Variants in IMMP2L observed in about 807,000 individuals in gnomAD.
IMMP2L encodes inner mitochondrial membrane peptidase subunit 2.
In IMMP2L, 18 loss-of-function variants were observed where a neutral mutation model predicts 19.3. That is an observed-to-expected ratio of 0.93 (90% CI 0.64 to 1.38). The LOEUF (loss-of-function observed/expected upper bound fraction) is 1.38. IMMP2L is among the 40% of genes most tolerant of loss of function. The pLI is 0.00. For missense variants in IMMP2L, 233 were observed against 218.2 expected (o/e 1.07, Z -0.43); for synonymous variants, 76 against 73.0 (o/e 1.04, Z -0.21).
intron 4 of IMMP2L, among the ~76,000 whole-genome samples, chr7:110,940,800 T>C (rs936803499): frequency 1.3e-5 from 2 of 151,992 alleles, no homozygotes; most frequent in African/African-American, 2.4e-5. Flanking sequence ...TGAGGTGTCA[T>C]GGGAAAGAAA....
chr7:111,462,440 T>C (rs370739051), intron 3 of IMMP2L, among the ~76,000 whole-genome samples: 1 of 152,218 alleles, frequency 6.6e-6, no homozygotes, highest in South Asian at 2.1e-4. Flanking sequence ...ACACAGTTAA[T>C]TACATCCAGA....
At chr7:111,548,368 T>C (rs1849133973) in intron 1 of IMMP2L, among the ~76,000 whole-genome samples, 1 of 152,162 alleles carries the variant, frequency 6.6e-6, no homozygotes, top group East Asian at 1.9e-4. Context: ...TATTTCTTAT[T>C]TGCTGGTGAC....
intron 3 of IMMP2L, among the ~76,000 whole-genome samples, chr7:111,365,228 A>G (rs1829660375): frequency 6.6e-6 from 1 of 152,102 alleles, no homozygotes; most frequent in Non-Finnish European, 1.5e-5. Context: ...TACTTCACGA[A>G]AGATGTAGGA....
At chr7:111,467,001 T>C (rs528414645) in intron 3 of IMMP2L, among the ~76,000 whole-genome samples, 18 of 152,274 alleles carry the variant, frequency 1.2e-4, no homozygotes, top group African/African-American at 4.3e-4. Context: ...TCCCCATGGA[T>C]ATGAAGGGAC....
At chr7:111,209,435 C>T (rs1383110201) in intron 3 of IMMP2L, among the ~76,000 whole-genome samples, 3 of 148,832 alleles carry the variant, frequency 2.0e-5, no homozygotes, top group East Asian at 2.0e-4. Flanking sequence ...TCACTAATTA[C>T]GGATTAAACT....
At chr7:111,133,789 C>T (rs1802069897) in intron 3 of IMMP2L, among the ~76,000 whole-genome samples, 1 of 151,962 alleles carries the variant, frequency 6.6e-6, no homozygotes, top group Non-Finnish European at 1.5e-5. Context: ...ACACTCTATA[C>T]TCCACCCTCT....
At chr7:111,113,663 C>T (rs1586358794) in intron 3 of IMMP2L, among the ~76,000 whole-genome samples, 1 of 151,588 alleles carries the variant, frequency 6.6e-6, no homozygotes, top group East Asian at 1.9e-4. Flanking sequence ...GATAATTACC[C>T]CAAATGTTTT....
At chr7:111,144,846 A>C (rs767170191) in intron 3 of IMMP2L, among the ~76,000 whole-genome samples, 8 of 152,174 alleles carry the variant, frequency 5.3e-5, no homozygotes, top group Non-Finnish European at 1.2e-4. Context: ...CTTGCAAAGG[A>C]GAAAGACATT....
intron 5 of IMMP2L, among the ~76,000 whole-genome samples, chr7:110,666,552 G>T (rs1486311460): frequency 6.6e-6 from 1 of 152,082 alleles, no homozygotes; most frequent in Non-Finnish European, 1.5e-5. Flanking sequence ...GGGATTACAG[G>T]TGTGAGCCAC....
intron 3 of IMMP2L, among the ~76,000 whole-genome samples, chr7:111,279,712 T>C (rs1934842464): frequency 6.6e-6 from 1 of 152,152 alleles, no homozygotes; most frequent in Non-Finnish European, 1.5e-5. Flanking sequence ...TACTATATTA[T>C]AACCTCTTTT....
chr7:111,551,466 T>A (rs1258091933), intron 1 of IMMP2L, among the ~76,000 whole-genome samples: 1 of 149,456 alleles, frequency 6.7e-6, no homozygotes, highest in African/African-American at 2.5e-5. Flanking sequence ...ACAAATAGTA[T>A]GTTAGGTATG....
intron 3 of IMMP2L, among the ~76,000 whole-genome samples, chr7:111,186,875 C>T (rs1053497686): frequency 1.3e-5 from 2 of 151,974 alleles, no homozygotes; most frequent in African/African-American, 4.8e-5. Flanking sequence ...CAGGAAGAGG[C>T]CACATTTACT....
At chr7:111,469,159 C>A (rs1287295022) in intron 3 of IMMP2L, among the ~76,000 whole-genome samples, 2 of 152,030 alleles carry the variant, frequency 1.3e-5, no homozygotes, top group African/African-American at 2.4e-5. Flanking sequence ...TTACTGTAGC[C>A]TTGTAGTATA....
intron 3 of IMMP2L, among the ~76,000 whole-genome samples, chr7:111,047,613 T>G (rs1792532238): frequency 6.6e-6 from 1 of 152,222 alleles, no homozygotes. Flanking sequence ...TCTCACCGTA[T>G]GTACTCCCTT....
At chr7:111,186,563 G>C (rs779248322) in intron 3 of IMMP2L, among the ~76,000 whole-genome samples, 4 of 151,988 alleles carry the variant, frequency 2.6e-5, no homozygotes, top group Non-Finnish European at 2.9e-5. Flanking sequence ...TGAGTAGCTG[G>C]GATTACAGGC....
At chr7:111,013,862 C>T (rs1825226396) in intron 3 of IMMP2L, among the ~76,000 whole-genome samples, 2 of 151,268 alleles carry the variant, frequency 1.3e-5, no homozygotes, top group African/African-American at 4.9e-5. Flanking sequence ...TCTGGTTTAC[C>T]ACCTCATATA....
At chr7:110,868,880 T>C (rs1808269383) in intron 5 of IMMP2L, among the ~76,000 whole-genome samples, 1 of 150,660 alleles carries the variant, frequency 6.6e-6, no homozygotes, top group South Asian at 2.1e-4. Flanking sequence ...CTGAACTGAA[T>C]GCAAAAAGAA....
chr7:111,488,047 G>A (rs1409862861), intron 2 of IMMP2L, among the ~76,000 whole-genome samples: 1 of 152,080 alleles, frequency 6.6e-6, no homozygotes, highest in African/African-American at 2.4e-5. Flanking sequence ...AATTTGACTG[G>A]GGAACTATGA....
At chr7:111,553,754 C>T (rs1790941423) in intron 1 of IMMP2L, among the ~76,000 whole-genome samples, 1 of 152,118 alleles carries the variant, frequency 6.6e-6, no homozygotes, top group African/African-American at 2.4e-5. Context: ...TCAAAATGCT[C>T]GTGATGGTAA....
Sources: gnomAD v4.1 joint callset for allele counts (sites outside exome capture counted in the v4.1 genomes callset) on GRCh38, gnomAD v4.1.1 for gene constraint, MANE v1.5 for transcripts, NCBI Gene and HGNC (gene_info 2026-07-23, HGNC 2026-07-21) for gene names.